The following DOCK2 variants were observed in gnomAD, a reference collection of about 807,000 sequenced individuals.
DOCK2 encodes the protein dedicator of cytokinesis protein 2.
In DOCK2, 87 loss-of-function variants were observed where a neutral mutation model predicts 248.9. The observed-to-expected ratio is 0.35, with a 90% CI of 0.29 to 0.42. The LOEUF (loss-of-function observed/expected upper bound fraction) is 0.42. Among genes scored for constraint, DOCK2 ranks in the 10% least tolerant of loss-of-function variants. DOCK2 has a pLI of 1.00. For synonymous variants in DOCK2, 805 were observed against 821.6 expected, an observed-to-expected ratio of 0.98 and a Z score of 0.35; for missense variants, 1,747 against 2,300.2, an observed-to-expected ratio of 0.76 and a Z score of 4.92.
At position 169,861,942 on chromosome 5, in the gene DOCK2, T is replaced by TC. The variant is rs1771226336; in HGVS notation, c.2799+21090_2799+21091insC. On this transcript the variant is annotated intron_variant, in intron 27 of 51. Transcript: ENST00000520908. The stretch of plus-strand genomic sequence containing the variant: ...TTTTTTCTTTTCTTTTCTTTTCTTT[T>TC]TTTTTTGTTGGGGAAGTGCAGAAAA... 1.3e-5 allele frequency among the ~76,000 whole-genome samples: 2 copies of TC among 151,856 alleles called. 1 individual carries two copies. Among genetic ancestry groups the TC allele is most frequent in the South Asian group, 4.2e-4 (2 of 4,806 alleles).
Position 170,055,169 on chromosome 5 carries a change from C to G in DOCK2, c.4214-136C>G, listed in dbSNP as rs1757078433. On this transcript the variant is annotated intron_variant, in intron 41 of 51. Transcript: ENST00000520908. The stretch of plus-strand genomic sequence containing the variant: ...TAGTCATTAGTGCCTAGTGGGCAGC[C>G]AGCAACCTGAGGTTCATCATTCAGT... 3.9e-6 allele frequency: 3 copies of G among 765,804 alleles called. No homozygotes were observed. In the African/African-American group the frequency reaches 5.2e-5, roughly 13 times the overall value. 47.4% of individuals were successfully genotyped at this position (765,804 alleles called of 1,614,324 possible). A position where few individuals can be genotyped will look rare whatever the true frequency, so the allele number is the denominator to read the frequency against.
intron 3 of DOCK2, 132 bp downstream of exon 3, chr5:169,669,460 CTCTCTGACCTCTGTGCCTTGTCA>C: frequency 1.1e-6 from 1 of 938,374 alleles, no homozygotes; most frequent in Non-Finnish European, 1.7e-6. Flanking sequence ...GTGCCCTGTG[CTCTCTGACCTCTGTGCCTTGTCA>C]CTCGCTGTGC....
chr5:169,920,948 T>C (rs1257550630), intron 27 of DOCK2, among the ~76,000 whole-genome samples: 1 of 152,202 alleles, frequency 6.6e-6, no homozygotes, highest in African/African-American at 2.4e-5. Flanking sequence ...AACAGTTTAT[T>C]AGATGAACTG....
At chr5:170,038,571 C>T (rs35044691) in intron 36 of DOCK2, among the ~76,000 whole-genome samples, 4 of 152,176 alleles carry the variant, frequency 2.6e-5, no homozygotes, top group Non-Finnish European at 5.9e-5. Flanking sequence ...GACTGTTAGC[C>T]GAACCGGGTG....
At chr5:169,871,868 G>A (rs898696119) in intron 27 of DOCK2, among the ~76,000 whole-genome samples, 2 of 152,160 alleles carry the variant, frequency 1.3e-5, no homozygotes, top group Non-Finnish European at 2.9e-5. Flanking sequence ...AGCCTTGAAA[G>A]GGAGGCTGCA....
At chr5:170,076,375 A>C (rs1011178691) in intron 47 of DOCK2, among the ~76,000 whole-genome samples, 2 of 152,222 alleles carry the variant, frequency 1.3e-5, no homozygotes, top group Non-Finnish European at 2.9e-5. Context: ...ACTATGTGCC[A>C]GGCCTGATTC....
chr5:170,005,089 A>G (rs988128066), intron 30 of DOCK2, among the ~76,000 whole-genome samples: 1 of 151,802 alleles, frequency 6.6e-6, no homozygotes, highest in African/African-American at 2.4e-5. Flanking sequence ...AAAATGAAGT[A>G]CTGATCCATA....
intron 25 of DOCK2, among the ~76,000 whole-genome samples, chr5:169,794,676 G>A (rs1766540146): frequency 6.6e-6 from 1 of 152,154 alleles, no homozygotes; most frequent in African/African-American, 2.4e-5. Context: ...TGTAATCCCA[G>A]CACTCTGGGA....
chr5:169,780,832 A>G (rs1277367368), intron 25 of DOCK2, among the ~76,000 whole-genome samples: 2 of 152,246 alleles, frequency 1.3e-5, no homozygotes, highest in Non-Finnish European at 2.9e-5. Flanking sequence ...CAATTTTGCC[A>G]TAGGCTAATT....
intron 32 of DOCK2, among the ~76,000 whole-genome samples, chr5:170,010,715 T>C (rs1302762414): frequency 4.6e-5 from 7 of 152,248 alleles, no homozygotes; most frequent in African/African-American, 1.7e-4. Context: ...TGGACCCAGA[T>C]TCAGTTCACT....
rs73799179 is a variant in DOCK2 at position 169,646,640 on chromosome 5, A to T, written c.44-7763A>T. Among the ~76,000 whole-genome samples, 1,513 of 152,324 alleles carry T rather than the reference A, an allele frequency of 9.9e-3. 24 individuals carry two copies. The highest frequency in any genetic ancestry group is 0.034 in the African/African-American group (1,402 of 41,554). ...GGTCAGAGAAACTAATCATTATTGT[A>T]GCATAGGTCCCATTGAGAATCCTGT... On this transcript the variant is annotated intron_variant, in intron 1 of 51. Coordinates refer to ENST00000520908, the MANE Select transcript of DOCK2 (RefSeq NM_004946.3).
intron 27 of DOCK2, among the ~76,000 whole-genome samples, chr5:169,898,528 A>AAACAACAAC (rs36216194): frequency 2.0e-4 from 30 of 151,130 alleles, no homozygotes; most frequent in South Asian, 1.5e-3. Context: ...CACACACACA[A>AAACAACAAC]AACAACAACA....
At chr5:169,844,093 G>A (rs60370025) in intron 27 of DOCK2, among the ~76,000 whole-genome samples, 3,894 of 152,238 alleles carry the variant, frequency 0.026, 102 homozygotes, top group African/African-American at 0.064. Flanking sequence ...GGGGCATATG[G>A]GAACTGTATG....
At chr5:169,655,910 A>G (rs1758083714) in intron 2 of DOCK2, among the ~76,000 whole-genome samples, 1 of 152,162 alleles carries the variant, frequency 6.6e-6, no homozygotes, top group African/African-American at 2.4e-5. Context: ...TATTATTTTT[A>G]CTTGGGGTTG....
chr5:169,726,334 C>A (rs548028858), intron 22 of DOCK2, among the ~76,000 whole-genome samples: 23 of 152,220 alleles, frequency 1.5e-4, no homozygotes, highest in Middle Eastern at 6.8e-3. Flanking sequence ...ATATACTTTG[C>A]CCACTTTTTG....
At chr5:169,850,876 C>T (rs1010677143) in intron 27 of DOCK2, among the ~76,000 whole-genome samples, 1 of 152,160 alleles carries the variant, frequency 6.6e-6, no homozygotes, top group Admixed American at 6.5e-5. Flanking sequence ...GAGAGGAAGG[C>T]TTGGTGCATT....
chr5:169,974,462 T>C (rs1777642828), intron 27 of DOCK2, among the ~76,000 whole-genome samples: 1 of 152,242 alleles, frequency 6.6e-6, no homozygotes, highest in Admixed American at 6.5e-5. Flanking sequence ...AACATGTATT[T>C]AGCCCTTGAA....
intron 27 of DOCK2, among the ~76,000 whole-genome samples, chr5:169,942,200 G>A (rs1223355158): frequency 6.6e-6 from 1 of 152,118 alleles, no homozygotes; most frequent in African/African-American, 2.4e-5. Context: ...TGTGTGTATG[G>A]GTGATGGAGA....
chr5:169,773,052 A>G (rs1765181522), intron 25 of DOCK2: 1 of 152,248 alleles, frequency 6.6e-6, no homozygotes, highest in South Asian at 2.1e-4. Context: ...TTTCAACTGC[A>G]GTGTCACAAA....
Sources: allele counts gnomAD v4.1 joint callset (sites outside exome capture counted in the v4.1 genomes callset), GRCh38; gene constraint gnomAD v4.1.1; transcripts MANE v1.5; gene names NCBI Gene and HGNC (gene_info 2026-07-23, HGNC 2026-07-21).